FAR2: variants seen among roughly 807,000 people sequenced by gnomAD.
FAR2 encodes the protein epididymis secretory protein Li 81.
In FAR2, 19 loss-of-function variants were observed where a neutral mutation model predicts 56.0. The ratio of observed to expected loss-of-function variants is 0.34; its 90% CI spans 0.24 to 0.50. The LOEUF is 0.50. Ranked by LOEUF, FAR2 falls within the 20% of genes least tolerant of loss-of-function variation. The pLI is 0.98. For missense variants in FAR2, 508 were observed against 642.2 expected (o/e 0.79, Z 2.26); for synonymous variants, 219 against 218.8 (o/e 1.00, Z -0.01).
At position 29,270,409 on chromosome 12, in the gene FAR2, C is replaced by A; in HGVS notation, c.-38-3C>A. 1 of 1,477,582 alleles carries A rather than the reference C, an allele frequency of 6.8e-7. No individual in the cohort carries two copies. The highest frequency in any genetic ancestry group is 9.1e-7 in the Non-Finnish European group (1 of 1,101,608). The allele number at this position is 1,477,582 out of a possible 1,614,324, so 91.5% of individuals were successfully genotyped here. ...ATCTTTTGTTATTTCTCTTCCTTTT[C>A]AGGAACCTCTTTCAGGAGCTATAAA... On this transcript the variant is annotated splice_polypyrimidine_tract_variant and splice_region_variant and intron_variant, in intron 1 of 11. Coordinates refer to ENST00000536681, the MANE Select transcript of FAR2 (RefSeq NM_001271783.2).
intron 1 of FAR2, among the ~76,000 whole-genome samples, chr12:29,186,751 ATTTATTAT>A (rs1565685607): frequency 4.9e-5 from 1 of 20,486 alleles, no homozygotes; most frequent in African/African-American, 7.7e-5. Context: ...TTAGTTCTTT[ATTTATTAT>A]TTATTTATTT....
At chr12:29,171,340 G>A (rs1020335705) in intron 1 of FAR2, 2 of 152,444 alleles carry the variant, frequency 1.3e-5, no homozygotes, top group East Asian at 3.9e-4. Context: ...CATGGGCGAG[G>A]GGGCAGCTTG....
intron 1 of FAR2, among the ~76,000 whole-genome samples, chr12:29,150,023 C>G (rs1198516593): frequency 6.6e-6 from 1 of 152,182 alleles, no homozygotes; most frequent in African/African-American, 2.4e-5. Context: ...GCTGGGGCGA[C>G]TGGTGAGGCC....
At chr12:29,187,357 A>G (rs1179729108) in intron 1 of FAR2, among the ~76,000 whole-genome samples, 2 of 152,032 alleles carry the variant, frequency 1.3e-5, no homozygotes, top group Admixed American at 6.5e-5. Flanking sequence ...ATTATTTTTC[A>G]TAAATCTTTT....
chr12:29,225,665 A>G (rs982399650), intron 1 of FAR2, among the ~76,000 whole-genome samples: 9 of 152,174 alleles, frequency 5.9e-5, no homozygotes, highest in Non-Finnish European at 1.3e-4. Context: ...CCCTAAGACA[A>G]TGGGGCAAAT....
chr12:29,283,506 A>C (rs529569154), intron 2 of FAR2, among the ~76,000 whole-genome samples: 4 of 152,340 alleles, frequency 2.6e-5, no homozygotes, highest in Non-Finnish European at 4.4e-5. Flanking sequence ...AATCAGAATA[A>C]GGCAGAAATC....
chr12:29,291,154 AAG>A (rs1649774478), intron 2 of FAR2, among the ~76,000 whole-genome samples: 2 of 152,140 alleles, frequency 1.3e-5, no homozygotes, highest in African/African-American at 4.8e-5. Flanking sequence ...GAAAAATAGA[AAG>A]AGTTTCCCTA....
intron 1 of FAR2, among the ~76,000 whole-genome samples, chr12:29,183,699 A>G (rs971866637): frequency 6.6e-6 from 1 of 152,208 alleles, no homozygotes; most frequent in African/African-American, 2.4e-5. Flanking sequence ...GTTTTGTAGT[A>G]CAGCTTTTAT....
intron 1 of FAR2, among the ~76,000 whole-genome samples, chr12:29,220,238 T>C (rs1947670469): frequency 6.6e-6 from 1 of 152,186 alleles, no homozygotes; most frequent in African/African-American, 2.4e-5. Flanking sequence ...GGTTACATTT[T>C]CCCTGATGAT....
intron 5 of FAR2, among the ~76,000 whole-genome samples, chr12:29,308,606 T>A (rs1439431852): frequency 5.3e-4 from 81 of 151,550 alleles, no homozygotes; most frequent in Admixed American, 5.3e-3. Flanking sequence ...AGAAACAAAC[T>A]TAAAAACACA....
chr12:29,302,797 CG>C (rs1248344891), intron 4 of FAR2, among the ~76,000 whole-genome samples: 3 of 151,708 alleles, frequency 2.0e-5, no homozygotes, highest in South Asian at 2.1e-4. Context: ...AGGGAGTAGA[CG>C]GAGGAAGCGA....
chr12:29,161,743 A>T (rs1949783925), intron 1 of FAR2, among the ~76,000 whole-genome samples: 1 of 152,258 alleles, frequency 6.6e-6, no homozygotes, highest in Admixed American at 6.5e-5. Context: ...TACTCCCAGC[A>T]GTGGTAGTCA....
intron 1 of FAR2, among the ~76,000 whole-genome samples, chr12:29,183,393 C>T (rs775253584): frequency 6.6e-6 from 1 of 152,206 alleles, no homozygotes; most frequent in African/African-American, 2.4e-5. Context: ...CAACTCCTCT[C>T]TATTCCTAAC....
intron 1 of FAR2, among the ~76,000 whole-genome samples, chr12:29,262,956 A>G (rs1948447995): frequency 1.3e-5 from 2 of 152,178 alleles, no homozygotes; most frequent in African/African-American, 4.8e-5. Context: ...ATGGAAAAAG[A>G]TATTTCATGC....
At position 29,263,133 on chromosome 12, in the gene FAR2, G is replaced by GC. The variant is rs200863537; in HGVS notation, c.-38-7273dup. ...AAATATATATGCACCCAACACTGGA[G>GC]CCCCCCAGATATATAAAGCAAATAT... On this transcript the variant is annotated intron_variant, in intron 1 of 11. Coordinates refer to ENST00000536681, the MANE Select transcript of FAR2 (RefSeq NM_001271783.2). Among the ~76,000 whole-genome samples the GC allele has an allele frequency of 9.3e-3, 1,411 of 152,182 alleles. 20 individuals carry two copies. Among genetic ancestry groups the GC allele is most frequent in the Middle Eastern group, 0.034 (10 of 292 alleles).
At chr12:29,198,516 C>T (rs926818943) in intron 1 of FAR2, among the ~76,000 whole-genome samples, 4 of 152,154 alleles carry the variant, frequency 2.6e-5, no homozygotes, top group African/African-American at 4.8e-5. Flanking sequence ...TGTGAGCCAC[C>T]GCGCCTGGCC....
At chr12:29,292,297 T>C (rs527419853) in intron 2 of FAR2, 9 of 152,320 alleles carry the variant, frequency 5.9e-5, no homozygotes, top group Non-Finnish European at 7.3e-5. Flanking sequence ...TCAGAAGTCT[T>C]CACAGGCCAA....
intron 1 of FAR2, among the ~76,000 whole-genome samples, chr12:29,174,436 T>C (rs1949917169): frequency 7.7e-6 from 1 of 130,504 alleles, no homozygotes. Context: ...TTTTTTTTTT[T>C]TTTTTTTTTT....
At chr12:29,153,865 A>G (rs992119863) in intron 1 of FAR2, among the ~76,000 whole-genome samples, 7 of 152,190 alleles carry the variant, frequency 4.6e-5, no homozygotes, top group Non-Finnish European at 8.8e-5. Flanking sequence ...CTAAATGCTT[A>G]TAATCCAAAA....
Sources: gnomAD v4.1 joint callset for allele counts (sites outside exome capture counted in the v4.1 genomes callset) on GRCh38, gnomAD v4.1.1 for gene constraint, MANE v1.5 for transcripts, NCBI Gene and HGNC (gene_info 2026-07-23, HGNC 2026-07-21) for gene names.